Variants in PDE4D observed in about 807,000 individuals in gnomAD.
The protein encoded by PDE4D is phosphodiesterase 4D, also known as 3',5'-cyclic-AMP phosphodiesterase 4D.
PDE4D carries 24 observed loss-of-function variants against 87.4 expected under a neutral mutation model. The observed-to-expected ratio is 0.27, with a 90% confidence interval of 0.20 to 0.39. The LOEUF is 0.39. PDE4D is among the 10% of genes least tolerant of loss of function. The pLI is 1.00. For missense variants in PDE4D, 714 were observed against 1,041.0 expected (o/e 0.69, Z 4.32); for synonymous variants, 384 against 383.2 (o/e 1.00, Z -0.02).
At chr5:59,096,629 T>C (rs1769769510) in intron 5 of PDE4D, among the ~76,000 whole-genome samples, 2 of 152,166 alleles carry the variant, frequency 1.3e-5, no homozygotes, top group Admixed American at 6.6e-5. Flanking sequence ...TTGCAGACAT[T>C]GGTCTGTCTC....
intron 2 of PDE4D, among the ~76,000 whole-genome samples, chr5:60,063,654 T>C (rs897398116): frequency 3.9e-5 from 6 of 152,070 alleles, no homozygotes; most frequent in African/African-American, 1.2e-4. Context: ...AGAGTAAAAA[T>C]GCTATATGTG....
At chr5:60,065,085 G>T (rs1771903168) in intron 2 of PDE4D, among the ~76,000 whole-genome samples, 1 of 152,088 alleles carries the variant, frequency 6.6e-6, no homozygotes, top group Non-Finnish European at 1.5e-5. Flanking sequence ...CTATTCTTGG[G>T]TCTTTTTGGT....
intron 2 of PDE4D, among the ~76,000 whole-genome samples, chr5:60,142,917 G>A (rs907864529): frequency 2.0e-5 from 3 of 152,098 alleles, no homozygotes; most frequent in African/African-American, 4.8e-5. Flanking sequence ...ATGAAGGTGT[G>A]AAAGAAAATT....
At chr5:59,519,708 C>T (rs984580522) in intron 1 of PDE4D, among the ~76,000 whole-genome samples, 7 of 152,160 alleles carry the variant, frequency 4.6e-5, no homozygotes, top group Admixed American at 1.3e-4. Context: ...GAGAGCAACA[C>T]GATGTGAACT....
intron 1 of PDE4D, among the ~76,000 whole-genome samples, chr5:60,444,821 G>A (rs184026889): frequency 6.6e-6 from 1 of 151,848 alleles, no homozygotes; most frequent in Admixed American, 6.6e-5. Flanking sequence ...CCGTTCTGGG[G>A]GGTCTGACTT....
At chr5:59,984,620 C>T (rs773148473) in intron 3 of PDE4D, among the ~76,000 whole-genome samples, 21 of 152,156 alleles carry the variant, frequency 1.4e-4, no homozygotes, top group Non-Finnish European at 2.4e-4. Flanking sequence ...GTGTGAATAA[C>T]TAAAAGTCCT....
intron 1 of PDE4D, among the ~76,000 whole-genome samples, chr5:59,488,384 G>A (rs1249599201): frequency 6.6e-6 from 1 of 152,174 alleles, no homozygotes; most frequent in Non-Finnish European, 1.5e-5. Context: ...CATCTTGTAA[G>A]ATTTGGAATA....
intron 1 of PDE4D, among the ~76,000 whole-genome samples, chr5:59,576,692 T>C (rs1483894416): frequency 6.6e-6 from 1 of 152,150 alleles, no homozygotes; most frequent in African/African-American, 2.4e-5. Context: ...TCTCAGAAAG[T>C]TCTTTGAAGC....
In PDE4D at chr5:59,974,314, A is replaced by C. The variant is rs565127321; in HGVS notation, c.272+14174T>G. On this transcript the variant is annotated intron_variant, in intron 3 of 16. Coordinates refer to the PDE4D transcript ENST00000502484. ...AAAGCAAACTCAAATGCTAATTCAA[A>C]ATACCTAAGATGTTATTATTGCTGG... 8.5e-5 allele frequency among the ~76,000 whole-genome samples: 13 copies of C among 152,324 alleles called. No homozygotes were observed. In the South Asian group the frequency reaches 2.7e-3, roughly 32 times the overall value.
At chr5:60,157,873 T>A (rs1392735458) in intron 2 of PDE4D, among the ~76,000 whole-genome samples, 1 of 150,110 alleles carries the variant, frequency 6.7e-6, no homozygotes, top group Admixed American at 6.7e-5. Context: ...TCTTTTTTCT[T>A]TTCCTTTCCC....
At chr5:60,217,430 C>T (rs1425117620) in intron 1 of PDE4D, among the ~76,000 whole-genome samples, 3 of 151,904 alleles carry the variant, frequency 2.0e-5, no homozygotes, top group Admixed American at 2.0e-4. Flanking sequence ...GTGAATATTA[C>T]AATTTTTTTA....
At chr5:59,828,794 C>T (rs1172081386) in intron 1 of PDE4D, among the ~76,000 whole-genome samples, 1 of 152,016 alleles carries the variant, frequency 6.6e-6, no homozygotes, top group Non-Finnish European at 1.5e-5. Flanking sequence ...ATCTCATGAG[C>T]CCTAGTAGAT....
chr5:58,982,420 G>A (rs10472081), intron 11 of PDE4D, among the ~76,000 whole-genome samples: 24,058 of 152,186 alleles, frequency 0.16, 2,034 homozygotes, highest in Admixed American at 0.19. Context: ...CCATGGGCAT[G>A]AGCCCAGTGC....
intron 1 of PDE4D, among the ~76,000 whole-genome samples, chr5:59,463,452 C>T (rs934440957): frequency 2.3e-4 from 35 of 152,150 alleles, no homozygotes; most frequent in Non-Finnish European, 3.8e-4. Flanking sequence ...AAATTCATTA[C>T]TGATGCAAAC....
intron 3 of PDE4D, among the ~76,000 whole-genome samples, chr5:59,193,106 T>G (rs927457054): frequency 6.6e-6 from 1 of 152,188 alleles, no homozygotes; most frequent in African/African-American, 2.4e-5. Context: ...AAATGGCATA[T>G]GTAAAAAAGA....
chr5:59,285,212 T>A (rs112036231), intron 1 of PDE4D, among the ~76,000 whole-genome samples: 56 of 134,588 alleles, frequency 4.2e-4, no homozygotes, highest in South Asian at 6.9e-4. Flanking sequence ...TAAAGTATAA[T>A]AAAAAAAAAA....
intron 1 of PDE4D, among the ~76,000 whole-genome samples, chr5:59,531,156 A>G (rs768619344): frequency 5.3e-5 from 8 of 152,230 alleles, no homozygotes; most frequent in Non-Finnish European, 1.0e-4. Flanking sequence ...AAGCTTGTAC[A>G]TATATTCTGA....
intron 1 of PDE4D, among the ~76,000 whole-genome samples, chr5:60,410,391 G>A (rs1313116520): frequency 6.6e-6 from 1 of 151,928 alleles, no homozygotes; most frequent in African/African-American, 2.4e-5. Context: ...GGAAAATCCT[G>A]GAACACAGAG....
Position 60,064,421 on chromosome 5 carries a change from T to C in PDE4D, c.43-75704A>G, listed in dbSNP as rs180727844. Reference sequence around the variant, plus strand: ...TGAAGGTGTCTAGCATCTTATGCCTTTTTGTATAACTACATCTCATACTCA... The same window carrying C: ...TGAAGGTGTCTAGCATCTTATGCCTCTTTGTATAACTACATCTCATACTCA... On this transcript the variant is annotated intron_variant, in intron 2 of 16. Coordinates refer to the PDE4D transcript ENST00000502484. Among the ~76,000 whole-genome samples, 403 of 152,220 alleles carry C rather than the reference T, an allele frequency of 2.6e-3. 3 individuals are homozygous for C. The highest frequency in any genetic ancestry group is 9.3e-3 in the African/African-American group (388 of 41,544).
Sources: allele counts gnomAD v4.1 joint callset (sites outside exome capture counted in the v4.1 genomes callset), GRCh38; gene constraint gnomAD v4.1.1; transcripts MANE v1.5; gene names NCBI Gene and HGNC (gene_info 2026-07-23, HGNC 2026-07-21).